The following SMYD3 variants were observed in gnomAD, a reference collection of about 807,000 sequenced individuals.
The protein encoded by SMYD3 is histone-lysine N-methyltransferase SMYD3.
Under a neutral mutation model 57.7 loss-of-function variants are expected in SMYD3, and 36 were observed. That is an observed-to-expected ratio of 0.62 (90% CI 0.48 to 0.82). The LOEUF (loss-of-function observed/expected upper bound fraction) is 0.82, where lower values mean the gene tolerates loss of function less well. SMYD3 is among the 40% of genes least tolerant of loss of function. The probability of loss-of-function intolerance (pLI) is 0.00; values close to 1 mark genes in which losing one functional copy is unlikely to be tolerated. For synonymous variants in SMYD3, 211 were observed against 195.0 expected (o/e 1.08, Z -0.68); for missense variants, 515 against 538.8 (o/e 0.96, Z 0.44).
At chr1:245,882,189 T>C (rs1214496063) in intron 8 of SMYD3, among the ~76,000 whole-genome samples, 1 of 152,164 alleles carries the variant, frequency 6.6e-6, no homozygotes, top group Non-Finnish European at 1.5e-5. Flanking sequence ...ATTATACATG[T>C]TGCTGGAAGG....
In SMYD3 at chr1:246,458,477, C is replaced by T. The variant is rs1477256594; in HGVS notation, c.164+48577G>A. 2.8e-4 allele frequency among the ~76,000 whole-genome samples: 36 copies of T among 128,512 alleles called. 1 individual carries two copies. The highest frequency in any genetic ancestry group is 4.7e-4 in the Non-Finnish European group (30 of 63,292). 84.3% of individuals were successfully genotyped at this position (128,512 alleles called of 152,430 possible). A position where few individuals can be genotyped will look rare whatever the true frequency, so the allele number is the denominator to read the frequency against. On this transcript the variant is annotated intron_variant, in intron 1 of 11. Coordinates refer to ENST00000490107, the MANE Select transcript of SMYD3 (RefSeq NM_001167740.2). ...TTTTTTTTTTTTTGAGACAGAGTCT[C>T]GCTCTGTTGCCCAGGCTGGAGTGCA...
intron 10 of SMYD3, among the ~76,000 whole-genome samples, chr1:245,849,635 TTTATTTATTTTATTTTATA>T (rs961602948): frequency 8.4e-5 from 12 of 142,426 alleles, no homozygotes; most frequent in Non-Finnish European, 1.4e-4. Flanking sequence ...CCATCTTTAT[TTTATTTATTTTATTTTATA>T]TTATTTATTT....
At chr1:246,450,926 G>T (rs1295953994) in intron 1 of SMYD3, among the ~76,000 whole-genome samples, 2 of 152,030 alleles carry the variant, frequency 1.3e-5, no homozygotes, top group Non-Finnish European at 2.9e-5. Flanking sequence ...GGTGCCAACT[G>T]TTCAGTGTAC....
At chr1:246,232,191 G>A (rs114684782) in intron 5 of SMYD3, among the ~76,000 whole-genome samples, 3,740 of 152,216 alleles carry the variant, frequency 0.025, 147 homozygotes, top group African/African-American at 0.085. Flanking sequence ...TGGTTAGGGG[G>A]TTAATGAATG....
chr1:246,503,100 A>T (rs948036533), intron 1 of SMYD3, among the ~76,000 whole-genome samples: 3 of 152,142 alleles, frequency 2.0e-5, no homozygotes, highest in Admixed American at 6.5e-5. Flanking sequence ...CCCATTTAAC[A>T]TCCCCACCCT....
intron 5 of SMYD3, among the ~76,000 whole-genome samples, chr1:246,149,806 A>C (rs1345430755): frequency 6.6e-6 from 1 of 152,242 alleles, no homozygotes; most frequent in East Asian, 1.9e-4. Flanking sequence ...CACGATTCTA[A>C]GGAGCATCCT....
chr1:246,278,786 T>C (rs1333414980), intron 5 of SMYD3, among the ~76,000 whole-genome samples: 2 of 152,200 alleles, frequency 1.3e-5, no homozygotes, highest in Admixed American at 6.5e-5. Flanking sequence ...AAATATATGC[T>C]GCTTTAGGCC....
At chr1:246,147,528 C>T (rs1052122888) in intron 5 of SMYD3, among the ~76,000 whole-genome samples, 2 of 152,166 alleles carry the variant, frequency 1.3e-5, no homozygotes, top group Non-Finnish European at 2.9e-5. Flanking sequence ...GCGGTGGGAG[C>T]CTCACCCATT....
intron 1 of SMYD3, among the ~76,000 whole-genome samples, chr1:246,486,574 T>C (rs1398503305): frequency 6.6e-5 from 10 of 152,148 alleles, no homozygotes; most frequent in Admixed American, 6.6e-4. Context: ...ATGACACAGA[T>C]AGGAATTATA....
intron 11 of SMYD3, among the ~76,000 whole-genome samples, chr1:245,754,517 T>C (rs534213179): frequency 1.3e-5 from 2 of 152,144 alleles, no homozygotes; most frequent in East Asian, 3.9e-4. Context: ...TCTGGGGCAT[T>C]CAAAGGAGGA....
intron 10 of SMYD3, among the ~76,000 whole-genome samples, chr1:245,832,999 G>C (rs769239384): frequency 2.1e-5 from 3 of 143,026 alleles, no homozygotes; most frequent in Non-Finnish European, 4.5e-5. Flanking sequence ...AAGCTTCCAC[G>C]ATCCATTCCT....
chr1:246,154,778 TTTTG>T (rs1200283845), intron 5 of SMYD3, among the ~76,000 whole-genome samples: 1 of 150,750 alleles, frequency 6.6e-6, no homozygotes, highest in Non-Finnish European at 1.5e-5. Context: ...TTGTTTTGTT[TTTTG>T]TTTTTTGTTT....
intron 1 of SMYD3, among the ~76,000 whole-genome samples, chr1:246,382,774 A>G (rs1339249043): frequency 6.6e-6 from 1 of 151,846 alleles, no homozygotes; most frequent in Non-Finnish European, 1.5e-5. Flanking sequence ...GGCTCACCCC[A>G]GCACCAGGCT....
intron 5 of SMYD3, among the ~76,000 whole-genome samples, chr1:246,075,945 A>G (rs1241563350): frequency 2.6e-5 from 4 of 151,538 alleles, no homozygotes; most frequent in Non-Finnish European, 5.9e-5. Context: ...TAGCAAGAAA[A>G]AAAAAAAAAA....
chr1:246,242,405 G>A (rs1023781762), intron 5 of SMYD3, among the ~76,000 whole-genome samples: 1 of 152,176 alleles, frequency 6.6e-6, no homozygotes, highest in Non-Finnish European at 1.5e-5. Context: ...GCGGTTTTGA[G>A]TGAGTTTCTT....
chr1:245,943,879 C>T (rs2057344466), intron 5 of SMYD3, among the ~76,000 whole-genome samples: 1 of 152,134 alleles, frequency 6.6e-6, no homozygotes, highest in Non-Finnish European at 1.5e-5. Flanking sequence ...GAACCAGTGA[C>T]AAAAACCACA....
At chr1:245,856,970 C>T (rs562183452) in intron 10 of SMYD3, among the ~76,000 whole-genome samples, 8 of 152,328 alleles carry the variant, frequency 5.3e-5, no homozygotes, top group African/African-American at 1.9e-4. Flanking sequence ...CTTTTTGCAA[C>T]ACTAAGGCTC....
At chr1:246,328,873 C>T (rs532365245) in intron 4 of SMYD3, among the ~76,000 whole-genome samples, 2 of 151,194 alleles carry the variant, frequency 1.3e-5, no homozygotes, top group African/African-American at 2.4e-5. Context: ...CCAGAGTGTG[C>T]TGTTCCCCTT....
At chr1:246,303,679 G>A (rs990447332) in intron 5 of SMYD3, among the ~76,000 whole-genome samples, 7 of 152,200 alleles carry the variant, frequency 4.6e-5, no homozygotes, top group South Asian at 2.1e-4. Flanking sequence ...AGAAAAATGT[G>A]TACAGCGATA....
Sources: allele counts gnomAD v4.1 joint callset (sites outside exome capture counted in the v4.1 genomes callset), GRCh38; gene constraint gnomAD v4.1.1; transcripts MANE v1.5; gene names NCBI Gene and HGNC (gene_info 2026-07-23, HGNC 2026-07-21).